VPS33B: variants seen among roughly 807,000 people sequenced by gnomAD.
VPS33B encodes the protein VPS33B late endosome and lysosome associated.
Under a neutral mutation model 95.3 loss-of-function variants are expected in VPS33B, and 80 were observed. The observed-to-expected ratio is 0.84, with a 90% CI of 0.70 to 1.01. The LOEUF (loss-of-function observed/expected upper bound fraction) is 1.01, where lower values mean the gene tolerates loss of function less well. Ranked by LOEUF, VPS33B falls within the 50% of genes least tolerant of loss-of-function variation. The pLI is 0.00. For synonymous variants in VPS33B, 280 were observed against 280.4 expected (o/e 1.00, Z 0.01); for missense variants, 715 against 773.4 (o/e 0.92, Z 0.90).
chr15:91,017,663 C>T (rs1353852436), intron 2 of VPS33B, 142 bp downstream of exon 2: 2 of 782,566 alleles, frequency 2.6e-6, no homozygotes, highest in African/African-American at 3.5e-5. Flanking sequence ...AAAATACGAA[C>T]AGCATCAATC....
At chr15:91,017,699 C>G (rs1052398023) in intron 2 of VPS33B, 106 bp downstream of exon 2, 3 of 1,073,626 alleles carry the variant, frequency 2.8e-6, no homozygotes, top group East Asian at 4.8e-5. Context: ...ATTAAGCTAC[C>G]CTATATTTGC....
chr15:90,998,968 A>T lies in VPS33B; in HGVS notation c.*7T>A. 2 of 1,614,054 alleles carry T rather than the reference A, an allele frequency of 1.2e-6. No individual in the cohort carries two copies. The highest frequency in any genetic ancestry group is 1.7e-6 in the Non-Finnish European group (2 of 1,179,972). On this transcript the variant is annotated 3_prime_UTR_variant, in exon 23 of 23. Transcript: ENST00000333371. The surrounding 1 kb of genome is among the most constrained non-coding windows in gnomAD (Gnocchi z 4.8). ...AGGGAAGATGTCAACACTGGCCGGG[A>T]AAAACATCAGGCTTTCACCTCACTC... is the stretch of plus-strand genomic sequence containing the variant.
intron 5 of VPS33B, among the ~76,000 whole-genome samples, chr15:91,012,108 AAAT>A (rs1203580529): frequency 6.6e-6 from 1 of 152,194 alleles, no homozygotes; most frequent in East Asian, 1.9e-4. Flanking sequence ...CAAGAACTAG[AAAT>A]TATTGCCATG....
In VPS33B at chr15:91,007,944, C is replaced by A. The variant is rs747451890; in HGVS notation, c.424G>T (p.Ala142Ser). ...ACATCAAGAGGCAGCAAAGAGAAGG[C>A]CCATTCATCACAGCTCACATCTGTG... ...IYGDVSCDEW[A>S]FSLLPLDVDL... Residue 142 changes from alanine (A) to serine (S), a missense_variant, in exon 7 of 23, where the codon GCC becomes TCC. By Grantham distance (99) the Ala-to-Ser change is moderately conservative. Coordinates refer to ENST00000333371, the MANE Select transcript of VPS33B (RefSeq NM_018668.5). The surrounding 1 kb of genome is among the most constrained non-coding windows in gnomAD (Gnocchi z 5.3). 6 of 1,614,180 alleles carry A rather than the reference C, an allele frequency of 3.7e-6. No individual in the cohort carries two copies. Among genetic ancestry groups the A allele is most frequent in the Non-Finnish European group, 5.1e-6 (6 of 1,180,034 alleles).
At position 91,005,374 on chromosome 15, in the gene VPS33B, A is replaced by G. The variant is rs187478669; in HGVS notation, c.1105+6T>C. 1 of 1,614,184 alleles carries G rather than the reference A, an allele frequency of 6.2e-7. No individual in the cohort carries two copies. Among genetic ancestry groups the G allele is most frequent in the Non-Finnish European group, 8.5e-7 (1 of 1,180,028 alleles). On this transcript the variant is annotated splice_donor_region_variant and intron_variant, in intron 14 of 22. Coordinates refer to ENST00000333371, the MANE Select transcript of VPS33B (RefSeq NM_018668.5). This position sits in a 1 kb window ranked among gnomAD's most constrained non-coding sequence, Gnocchi z 6.4. ...GGCAGTAGCACAGCAAGGCTGCGGC[A>G]GTTACCATGCTCAGTCTTGATTAGC...
rs2040351832 is a variant in VPS33B at position 90,998,997 on chromosome 15, G to A, written c.1832C>T (p.Ala611Val). The change falls in exon 23 of 23, where the codon GCC (alanine) becomes GTC (valine). Residue 611 changes from alanine (A) to valine (V), a missense_variant. Ala to Val is a moderately conservative substitution (Grantham distance 64, BLOSUM62 0). Transcript: ENST00000333371. The surrounding 1 kb of genome is among the most constrained non-coding windows in gnomAD (Gnocchi z 4.8). ...AVTNSARLME[A>V]MSEVKA ...ACATCAGGCTTTCACCTCACTCATG[G>A]CCTCCATAAGGCGAGCGCTGTTTGT... 1.2e-6 allele frequency: 2 copies of A among 1,614,124 alleles called. No individual in the cohort carries two copies. The highest frequency in any genetic ancestry group is 2.2e-5 in the East Asian group (1 of 44,882).
At position 91,011,990 on chromosome 15, in the gene VPS33B, A is replaced by AAAACAAAACAAAACAAAAC. The variant is rs2040794579; in HGVS notation, c.357+1813_357+1814insGTTTTGTTTTGTTTTGTTT. Among the ~76,000 whole-genome samples, 1 of 149,276 alleles carries AAAACAAAACAAAACAAAAC rather than the reference A, an allele frequency of 6.7e-6. No individual in the cohort carries two copies. Among genetic ancestry groups the AAAACAAAACAAAACAAAAC allele is most frequent in the African/African-American group, 2.5e-5 (1 of 39,840 alleles). ...GGTGACAGAGCAATGCACTGTCTCCAAAAACAAAACAAAACAAAACAAAAC... is the reference window on the plus strand; with the variant it reads ...GGTGACAGAGCAATGCACTGTCTCCAAAACAAAACAAAACAAAACAAAACAAAACAAAACAAAACAAAAC... On this transcript the variant is annotated intron_variant, in intron 5 of 22. Transcript: ENST00000333371. The surrounding 1 kb of genome is among the most constrained non-coding windows in gnomAD (Gnocchi z 5.5).
Position 90,999,996 on chromosome 15 carries a change from T to C in VPS33B, c.1582-21A>G, listed in dbSNP as rs2040389626. 1 of 1,613,824 alleles carries C rather than the reference T, an allele frequency of 6.2e-7. No individual in the cohort carries two copies. Among genetic ancestry groups the C allele is most frequent in the Non-Finnish European group, 8.5e-7 (1 of 1,179,966 alleles). On this transcript the variant is annotated intron_variant, in intron 20 of 22. Coordinates refer to ENST00000333371, the MANE Select transcript of VPS33B (RefSeq NM_018668.5). The surrounding 1 kb of genome is among the most constrained non-coding windows in gnomAD (Gnocchi z 5.1). Reference sequence around the variant, plus strand: ...AGCACCTGGGAAGGTGTAAGCACTGTTTTTAAGGCTACAGACAGTATCAGG... The same window carrying C: ...AGCACCTGGGAAGGTGTAAGCACTGCTTTTAAGGCTACAGACAGTATCAGG...
intron 16 of VPS33B, among the ~76,000 whole-genome samples, chr15:91,004,387 C>T (rs978037326): frequency 6.6e-6 from 1 of 152,000 alleles, no homozygotes; most frequent in Non-Finnish European, 1.5e-5. Context: ...ACCTGTAGTC[C>T]CAGCTACTCA....
chr15:90,999,306 G>C lies in VPS33B; in HGVS notation c.1775-252C>G. The stretch of plus-strand genomic sequence containing the variant: ...CCAGGAGAAAAATATTCCTGTGCAG[G>C]ACACTTTGCGTGTTTTTTTTTTTTC... On this transcript the variant is annotated intron_variant, in intron 22 of 22. Coordinates refer to ENST00000333371, the MANE Select transcript of VPS33B (RefSeq NM_018668.5). This position sits in a 1 kb window ranked among gnomAD's most constrained non-coding sequence, Gnocchi z 5.1. 1 of 580,772 alleles carries C rather than the reference G, an allele frequency of 1.7e-6. No individual in the cohort carries two copies. The allele number at this position is 580,772 out of a possible 1,614,324, so 36.0% of individuals were successfully genotyped here. A position where few individuals can be genotyped will look rare whatever the true frequency, so the allele number is the denominator to read the frequency against.
Position 91,006,080 on chromosome 15 carries a change from G to A in VPS33B, c.853-21C>T, listed in dbSNP as rs763540764. ...AACACCTGTGAGGACAGTAAGACAA[G>A]AACAGCTTACTCTGTCAGAACCATA... On this transcript the variant is annotated intron_variant, in intron 11 of 22. Transcript: ENST00000333371. This position sits in a 1 kb window ranked among gnomAD's most constrained non-coding sequence, Gnocchi z 5.4. 1 of 1,612,094 alleles carries A rather than the reference G, an allele frequency of 6.2e-7. No homozygotes were observed. The highest frequency in any genetic ancestry group is 1.3e-5 in the African/African-American group (1 of 74,884).
chr15:91,000,049 G>T lies in VPS33B; in HGVS notation c.1582-74C>A. ...TAGGAAAGGAAGGGCACAGCAGCCAGACTGTCACATTTCTTGCTCATTACT... is the reference window on the plus strand; with the variant it reads ...TAGGAAAGGAAGGGCACAGCAGCCATACTGTCACATTTCTTGCTCATTACT... On this transcript the variant is annotated intron_variant, in intron 20 of 22. Coordinates refer to ENST00000333371, the MANE Select transcript of VPS33B (RefSeq NM_018668.5). This position sits in a 1 kb window ranked among gnomAD's most constrained non-coding sequence, Gnocchi z 4.9. 6.4e-7 allele frequency: 1 copy of T among 1,574,450 alleles called. No individual in the cohort carries two copies. Among genetic ancestry groups the T allele is most frequent in the Non-Finnish European group, 8.7e-7 (1 of 1,150,962 alleles).
At chr15:91,021,665 C>T (rs953540157) in intron 1 of VPS33B, among the ~76,000 whole-genome samples, 1 of 152,186 alleles carries the variant, frequency 6.6e-6, no homozygotes, top group African/African-American at 2.4e-5. Flanking sequence ...TTGCTCCTAC[C>T]AATCTATCTG....
Position 91,001,561 on chromosome 15 carries a change from C to A in VPS33B, c.1406-99G>T, listed in dbSNP as rs2040438761. 5 of 986,002 alleles carry A rather than the reference C, an allele frequency of 5.1e-6. No individual in the cohort carries two copies. The South Asian group carries it at 6.5e-5, about 13-fold the overall frequency. 61.1% of individuals were successfully genotyped at this position (986,002 alleles called of 1,614,324 possible). ...AGGACACGACAGCACCAATCACATC[C>A]AAAAACTCTCGGAAGCTGTTCAACT... is the stretch of plus-strand genomic sequence containing the variant. On this transcript the variant is annotated intron_variant, in intron 18 of 22. Coordinates refer to ENST00000333371, the MANE Select transcript of VPS33B (RefSeq NM_018668.5).
intron 6 of VPS33B, 152 bp from the exon 7 acceptor site, chr15:91,008,116 GAAT>G: frequency 2.7e-6 from 2 of 747,352 alleles, no homozygotes; most frequent in Middle Eastern, 3.4e-4. Context: ...GCTCAAAGAA[GAAT>G]AAGACACAGT....
Position 91,018,046 on chromosome 15 carries a change from C to T in VPS33B, c.97-161G>A, listed in dbSNP as rs1471234651. 2 of 701,018 alleles carry T rather than the reference C, an allele frequency of 2.9e-6. No homozygotes were observed. The highest frequency in any genetic ancestry group is 5.1e-6 in the Non-Finnish European group (2 of 390,548). The allele number at this position is 701,018 out of a possible 1,614,324, so 43.4% of individuals were successfully genotyped here. ...ATTTATTATCTGTATCCACAGTTGACACTTCTCTGTATATTTACCTATTTT... is the reference window on the plus strand; with the variant it reads ...ATTTATTATCTGTATCCACAGTTGATACTTCTCTGTATATTTACCTATTTT... On this transcript the variant is annotated intron_variant, in intron 1 of 22. Transcript: ENST00000333371. This position sits in a 1 kb window ranked among gnomAD's most constrained non-coding sequence, Gnocchi z 4.7.
chr15:91,006,663 C>G lies in VPS33B; in HGVS notation c.767G>C (p.Arg256Pro). ...ACCATAGCACTTACCACACTTGATG[C>G]GGAAGGTGTCATCTACTAGGCCCTC... ...VYEGLVDDTFRIKCGSVDFGP... is the reference protein window; with the variant it reads ...VYEGLVDDTFPIKCGSVDFGP... The change falls in exon 10 of 23, where the codon CGC becomes CCC. Residue 256 changes from arginine (R) to proline (P), a missense_variant. Arg to Pro is a moderately radical substitution (Grantham distance 103). Transcript: ENST00000333371. The surrounding 1 kb of genome is among the most constrained non-coding windows in gnomAD (Gnocchi z 5.4). 6.2e-7 allele frequency: 1 copy of G among 1,614,176 alleles called. No individual in the cohort carries two copies. The highest frequency in any genetic ancestry group is 8.5e-7 in the Non-Finnish European group (1 of 1,180,036).
downstream of VPS33B, chr15:90,998,587 C>T (rs1242407284): frequency 2.9e-6 from 1 of 347,216 alleles, no homozygotes; most frequent in Non-Finnish European, 5.6e-6. This position sits in a 1 kb window ranked among gnomAD's most constrained non-coding sequence, Gnocchi z 4.8. Context: ...AAAGTCCAGG[C>T]CAAGAAGCAC....
intron 1 of VPS33B, 32 bp from the exon 2 acceptor site, chr15:91,017,917 C>T: frequency 6.2e-7 from 1 of 1,609,896 alleles, no homozygotes; most frequent in African/African-American, 1.3e-5. Context: ...GGGTCACTCA[C>T]AGGTCACATG....
Sources: allele counts gnomAD v4.1 joint callset (sites outside exome capture counted in the v4.1 genomes callset), GRCh38; gene constraint gnomAD v4.1.1; non-coding constraint Gnocchi (gnomAD v3.1); transcripts MANE v1.5; gene names NCBI Gene and HGNC (gene_info 2026-07-23, HGNC 2026-07-21).